CD2AP: variants seen among roughly 807,000 people sequenced by gnomAD.
CD2AP encodes the protein CD2 associated protein.
A neutral mutation model predicts 85.1 loss-of-function variants in CD2AP; 46 were observed. The ratio of observed to expected loss-of-function variants is 0.54; its 90% CI spans 0.43 to 0.69. The LOEUF is 0.69. CD2AP is among the 30% of genes least tolerant of loss of function. The probability of loss-of-function intolerance (pLI) is 0.00; values close to 1 mark genes in which losing one functional copy is unlikely to be tolerated. For missense variants in CD2AP, 769 were observed against 729.5 expected (o/e 1.05, Z -0.62); for synonymous variants, 255 against 252.9 (o/e 1.01, Z -0.08).
Position 47,544,692 on chromosome 6 carries a change from G to C in CD2AP, c.406G>C (p.Asp136His). 6.2e-7 allele frequency: 1 copy of C among 1,604,510 alleles called. No homozygotes were observed. The highest frequency in any genetic ancestry group is 8.5e-7 in the Non-Finnish European group (1 of 1,171,584). ...ELELKVGDII[D>H]INEEVEEGWW... ...GGAGCTGAAAGTGGGAGATATTATT[G>C]ATATTAATGAAGAGGTAAGGAAAAA... Residue 136 changes from aspartate to histidine, a missense_variant, in exon 4 of 18, where the codon GAT (aspartate) becomes CAT (histidine). By Grantham distance (81) the Asp-to-His change is moderately conservative. Transcript: ENST00000359314.
At chr6:47,558,527 A>C (rs1427612010) in intron 5 of CD2AP, among the ~76,000 whole-genome samples, 1 of 152,200 alleles carries the variant, frequency 6.6e-6, no homozygotes, top group Non-Finnish European at 1.5e-5. Context: ...GTTTTTTAGC[A>C]TGAAGCAGTG....
At chr6:47,506,043 G>C (rs1420101408) in intron 2 of CD2AP, among the ~76,000 whole-genome samples, 2 of 31,622 alleles carry the variant, frequency 6.3e-5, no homozygotes, top group African/African-American at 3.0e-4. Context: ...TCACTTCTCA[G>C]ACGGGGTGGT....
chr6:47,590,508 CCACGTATA>C (rs1451648518), intron 11 of CD2AP, among the ~76,000 whole-genome samples: 1 of 151,998 alleles, frequency 6.6e-6, no homozygotes, highest in African/African-American at 2.4e-5. Context: ...TATATGGGGT[CCACGTATA>C]CACAGATTTT....
At chr6:47,537,190 C>A (rs1201656730) in intron 3 of CD2AP, among the ~76,000 whole-genome samples, 1 of 152,190 alleles carries the variant, frequency 6.6e-6, no homozygotes, top group Non-Finnish European at 1.5e-5. Flanking sequence ...CCCATAAAAC[C>A]TTTGGGTAGC....
chr6:47,514,590 A>AT (rs1766404835), intron 2 of CD2AP, among the ~76,000 whole-genome samples: 1 of 152,190 alleles, frequency 6.6e-6, no homozygotes, highest in Non-Finnish European at 1.5e-5. Context: ...ACTGTGACAT[A>AT]TTTTGGGGTG....
chr6:47,489,664 G>A (rs2113965401), intron 1 of CD2AP, among the ~76,000 whole-genome samples: 1 of 152,216 alleles, frequency 6.6e-6, no homozygotes, highest in South Asian at 2.1e-4. Context: ...AGAATATGAG[G>A]TAAAACATTA....
chr6:47,619,155 A>C (rs1769678219), intron 17 of CD2AP, among the ~76,000 whole-genome samples: 4 of 152,094 alleles, frequency 2.6e-5, no homozygotes. Flanking sequence ...GATTTGTGAG[A>C]TTTTAGTGCA....
intron 4 of CD2AP, among the ~76,000 whole-genome samples, chr6:47,548,603 A>G (rs953183636): frequency 6.6e-6 from 1 of 152,190 alleles, no homozygotes; most frequent in Admixed American, 6.5e-5. Flanking sequence ...GACCAGACGA[A>G]TTCACACCAG....
At chr6:47,535,038 T>A (rs911530262) in intron 3 of CD2AP, among the ~76,000 whole-genome samples, 2 of 152,084 alleles carry the variant, frequency 1.3e-5, no homozygotes, top group East Asian at 3.9e-4. Flanking sequence ...CTCAAGTGAT[T>A]TGCCCCCATT....
At chr6:47,524,850 G>T (rs6932718) in intron 2 of CD2AP, among the ~76,000 whole-genome samples, 92,452 of 151,350 alleles carry the variant, frequency 0.61, 28,917 homozygotes, top group Middle Eastern at 0.74. Flanking sequence ...TTCAAAGTAG[G>T]TCTGCTATAT....
At chr6:47,538,721 G>A (rs1238706727) in intron 3 of CD2AP, among the ~76,000 whole-genome samples, 3 of 152,176 alleles carry the variant, frequency 2.0e-5, no homozygotes, top group Non-Finnish European at 4.4e-5. Flanking sequence ...TGCTCTTATT[G>A]TAGCATTTGA....
intron 4 of CD2AP, among the ~76,000 whole-genome samples, chr6:47,550,093 A>C (rs934246083): frequency 5.3e-5 from 8 of 152,216 alleles, no homozygotes; most frequent in African/African-American, 1.9e-4. Context: ...CTAAGACCTG[A>C]AACTGTAACA....
At chr6:47,583,418 T>C (rs1768535041) in intron 11 of CD2AP, among the ~76,000 whole-genome samples, 1 of 152,254 alleles carries the variant, frequency 6.6e-6, no homozygotes, top group Non-Finnish European at 1.5e-5. Flanking sequence ...TTATTCTACC[T>C]ATTCATCTGT....
At chr6:47,585,755 A>G (rs971019552) in intron 11 of CD2AP, among the ~76,000 whole-genome samples, 14 of 152,206 alleles carry the variant, frequency 9.2e-5, no homozygotes, top group African/African-American at 3.4e-4. Flanking sequence ...TAATGGAGAA[A>G]TAACCATTGG....
intron 14 of CD2AP, among the ~76,000 whole-genome samples, chr6:47,607,260 T>C (rs1188823147): frequency 1.3e-5 from 2 of 152,162 alleles, no homozygotes; most frequent in African/African-American, 2.4e-5. Flanking sequence ...TGAATAGTGC[T>C]ACAGTAAACA....
intron 1 of CD2AP, among the ~76,000 whole-genome samples, chr6:47,493,910 G>C (rs1377327411): frequency 6.6e-6 from 1 of 151,824 alleles, no homozygotes; most frequent in Non-Finnish European, 1.5e-5. Flanking sequence ...TTTTCCTTCT[G>C]TTTCTTTTCT....
At chr6:47,605,797 T>C (rs1471355759) in intron 13 of CD2AP, among the ~76,000 whole-genome samples, 1 of 152,006 alleles carries the variant, frequency 6.6e-6, no homozygotes, top group Non-Finnish European at 1.5e-5. Context: ...TAATTTATTA[T>C]GAGTTTAAGA....
intron 1 of CD2AP, among the ~76,000 whole-genome samples, chr6:47,501,811 C>G (rs187860246): frequency 6.6e-6 from 1 of 152,156 alleles, no homozygotes; most frequent in East Asian, 1.9e-4. Context: ...TAAAAATATG[C>G]TTATGTGATC....
chr6:47,586,153 T>C (rs1188067615), intron 11 of CD2AP, among the ~76,000 whole-genome samples: 1 of 152,134 alleles, frequency 6.6e-6, no homozygotes, highest in Non-Finnish European at 1.5e-5. Context: ...ACAGCTATGA[T>C]AAACGTTTCC....
Sources: gnomAD v4.1 joint callset for allele counts (sites outside exome capture counted in the v4.1 genomes callset) on GRCh38, gnomAD v4.1.1 for gene constraint, MANE v1.5 for transcripts, NCBI Gene and HGNC (gene_info 2026-07-23, HGNC 2026-07-21) for gene names.